The following CDH4 variants were observed in gnomAD, a reference collection of about 807,000 sequenced individuals.
The protein encoded by CDH4 is cadherin-4.
CDH4 carries 33 observed loss-of-function variants against 86.0 expected under a neutral mutation model. The observed-to-expected ratio is 0.38, with a 90% confidence interval of 0.29 to 0.51. CDH4 has a LOEUF of 0.51. Ranked by LOEUF, CDH4 falls within the 20% of genes least tolerant of loss-of-function variation. The probability of loss-of-function intolerance (pLI) is 0.86; values close to 1 mark genes in which losing one functional copy is unlikely to be tolerated. For synonymous variants in CDH4, 555 were observed against 549.4 expected, an observed-to-expected ratio of 1.01 and a Z score of -0.14; for missense variants, 1,114 against 1,307.4, an observed-to-expected ratio of 0.85 and a Z score of 2.28.
chr20:61,756,886 G>T (rs1020732691), intron 3 of CDH4, among the ~76,000 whole-genome samples: 2 of 152,202 alleles, frequency 1.3e-5, no homozygotes, highest in Non-Finnish European at 2.9e-5. Context: ...GCAACTAGAA[G>T]GTCCCGAGGT....
chr20:61,691,515 C>T (rs2087654907), intron 2 of CDH4, among the ~76,000 whole-genome samples: 1 of 152,074 alleles, frequency 6.6e-6, no homozygotes, highest in Non-Finnish European at 1.5e-5. Context: ...CATATATGTA[C>T]AGTCACACTT....
At position 61,810,491 on chromosome 20, in the gene CDH4, G is replaced by A. The variant is rs1182355734; in HGVS notation, c.577-34177G>A. ...TGACCCACTCTGCTCACCCGCAGTG[G>A]GAAGGAGCAAGGGAGCGTGTACGGG... On this transcript the variant is annotated intron_variant, in intron 4 of 15. Transcript: ENST00000614565. The surrounding 1 kb of genome is among the most constrained non-coding windows in gnomAD (Gnocchi z 4.3). Among the ~76,000 whole-genome samples, 2 of 152,136 alleles carry A rather than the reference G, an allele frequency of 1.3e-5. No individual in the cohort carries two copies. The highest frequency in any genetic ancestry group is 2.9e-5 in the Non-Finnish European group (2 of 68,020).
chr20:61,594,252 A>G, intron 2 of CDH4, among the ~76,000 whole-genome samples: 1 of 39,982 alleles, frequency 2.5e-5, no homozygotes, highest in African/African-American at 1.1e-4. Context: ...GCAGGGGAAG[A>G]GGGTGGGGGG....
chr20:61,464,744 A>G (rs2085463542), intron 2 of CDH4, among the ~76,000 whole-genome samples: 1 of 152,198 alleles, frequency 6.6e-6, no homozygotes, highest in African/African-American at 2.4e-5. Flanking sequence ...ACACACTAGC[A>G]GAGCCCAGGT....
chr20:61,936,531 T>A (rs1695882400), intron 15 of CDH4, among the ~76,000 whole-genome samples: 1 of 143,124 alleles, frequency 7.0e-6, no homozygotes, highest in African/African-American at 2.6e-5. Context: ...GTTTGCCCCT[T>A]CAACACTCCC....
rs139763607 is a variant in CDH4, at chr20:61,584,190, C to G, written c.170-159373C>G. Among the ~76,000 whole-genome samples, 3 of 152,246 alleles carry G rather than the reference C, an allele frequency of 2.0e-5. No homozygotes were observed. In the East Asian group the frequency reaches 5.8e-4, roughly 29 times the overall value. Reference sequence around the variant, plus strand: ...TATATGTGCGTCAGTAGAGAGGTTCCCTGCTAAACTCCTTCTAGTGGCTTT... The same window carrying G: ...TATATGTGCGTCAGTAGAGAGGTTCGCTGCTAAACTCCTTCTAGTGGCTTT... On this transcript the variant is annotated intron_variant, in intron 2 of 15. Coordinates refer to ENST00000614565, the MANE Select transcript of CDH4 (RefSeq NM_001794.5).
intron 2 of CDH4, among the ~76,000 whole-genome samples, chr20:61,712,522 C>T (rs1019689180): frequency 5.3e-5 from 8 of 152,142 alleles, no homozygotes; most frequent in African/African-American, 1.9e-4. Context: ...CAGCCCTGCC[C>T]AGCTCCTCCT....
chr20:61,331,357 C>T (rs1388348382), intron 2 of CDH4, among the ~76,000 whole-genome samples: 1 of 152,048 alleles, frequency 6.6e-6, no homozygotes, highest in Non-Finnish European at 1.5e-5. Flanking sequence ...TGTCACTGCC[C>T]TGTTCATGCT....
rs1190891365 is a variant in CDH4, at chr20:61,784,616, T to C, written c.576+11434T>C. Among the ~76,000 whole-genome samples the C allele has an allele frequency of 2.5e-3, 172 of 69,308 alleles. 23 individuals are homozygous for C. The highest frequency in any genetic ancestry group is 0.011 in the African/African-American group (162 of 14,400). The allele number at this position is 69,308 out of a possible 152,430, so 45.5% of individuals were successfully genotyped here. A position where few individuals can be genotyped will look rare whatever the true frequency, so the allele number is the denominator to read the frequency against. On this transcript the variant is annotated intron_variant, in intron 4 of 15. Coordinates refer to ENST00000614565, the MANE Select transcript of CDH4 (RefSeq NM_001794.5). ...GTTCTCCAGGCCCTCCGATATCCTGTGCCCCCAGGAGAATGTAAGCCCAGT... is the reference window on the plus strand; with the variant it reads ...GTTCTCCAGGCCCTCCGATATCCTGCGCCCCCAGGAGAATGTAAGCCCAGT...
At chr20:61,903,595 G>C (rs1263543393) in intron 8 of CDH4, among the ~76,000 whole-genome samples, 1 of 148,616 alleles carries the variant, frequency 6.7e-6, no homozygotes, top group Non-Finnish European at 1.5e-5. Context: ...GTGGATTTTG[G>C]TTTTTCCCAT....
chr20:61,705,796 G>A (rs1016894205), intron 2 of CDH4, among the ~76,000 whole-genome samples: 2 of 152,226 alleles, frequency 1.3e-5, no homozygotes, highest in African/African-American at 4.8e-5. Context: ...CAGAATCGCC[G>A]ACAGGCTCCA....
chr20:61,733,925 A>G (rs1035161189), intron 2 of CDH4, among the ~76,000 whole-genome samples: 2 of 152,230 alleles, frequency 1.3e-5, no homozygotes, highest in African/African-American at 4.8e-5. Context: ...CGTCTTGGGG[A>G]GACACAGCCT....
At chr20:61,382,657 G>A (rs1051065705) in intron 2 of CDH4, among the ~76,000 whole-genome samples, 1 of 152,190 alleles carries the variant, frequency 6.6e-6, no homozygotes, top group Non-Finnish European at 1.5e-5. Flanking sequence ...TGAAGCTTCC[G>A]GGGAGGCCCC....
chr20:61,853,832 G>A (rs1982857657), intron 6 of CDH4, among the ~76,000 whole-genome samples: 1 of 152,174 alleles, frequency 6.6e-6, no homozygotes, highest in South Asian at 2.1e-4. Flanking sequence ...CATGGGGGGT[G>A]GAGAGGGGTC....
At position 61,565,337 on chromosome 20, in the gene CDH4, GTAGTGGTCCTCTTGGTGATGGGGTGA is replaced by G. The variant is rs1346056211; in HGVS notation, c.170-178224_170-178199del. On this transcript the variant is annotated intron_variant, in intron 2 of 15. Transcript: ENST00000614565. ...GGTGGCGGTGCTCTTGGTGATGGTG[GTAGTGGTCCTCTTGGTGATGGGGTGA>G]TGGTGGTGGTGGTCCTCTTGGTGAT... Among the ~76,000 whole-genome samples, 138 of 20,756 alleles carry G rather than the reference GTAGTGGTCCTCTTGGTGATGGGGTGA, an allele frequency of 6.6e-3. 10 individuals carry two copies. Among genetic ancestry groups the G allele is most frequent in the African/African-American group, 0.016 (108 of 6,700 alleles). 13.6% of individuals were successfully genotyped at this position (20,756 alleles called of 152,430 possible).
chr20:61,839,676 CTG>C (rs528970896), intron 4 of CDH4, among the ~76,000 whole-genome samples: 330 of 149,612 alleles, frequency 2.2e-3, no homozygotes, highest in Non-Finnish European at 3.9e-3. Context: ...TGTATGGTGT[CTG>C]TGTGTATTGT....
rs2055228621 is a variant in CDH4 at position 61,938,838 on chromosome 20, C to A, written c.*1895C>A. The A allele has an allele frequency of 6.6e-6, 1 of 152,380 alleles. No individual in the cohort carries two copies. The highest frequency in any genetic ancestry group is 1.5e-5 in the Non-Finnish European group (1 of 68,138). The allele number at this position is 152,380 out of a possible 1,614,324, so 9.4% of individuals were successfully genotyped here. ...AAACTCACAGCTGCCCCTGTGCAGC[C>A]TTCAGAGTTGAGCTGGGGTCTCAGT... On this transcript the variant is annotated 3_prime_UTR_variant, in exon 16 of 16. Coordinates refer to ENST00000614565, the MANE Select transcript of CDH4 (RefSeq NM_001794.5).
chr20:61,747,942 T>TAA (rs11302959), intron 3 of CDH4, among the ~76,000 whole-genome samples: 1 of 149,428 alleles, frequency 6.7e-6, no homozygotes, highest in Non-Finnish European at 1.5e-5. Flanking sequence ...GAGAAATATT[T>TAA]AAAAAAAAAA....
intron 2 of CDH4, among the ~76,000 whole-genome samples, chr20:61,677,625 T>C (rs1471022551): frequency 7.9e-6 from 1 of 125,836 alleles, no homozygotes; most frequent in Admixed American, 9.7e-5. Context: ...GTGGGATGCA[T>C]TCTAATGACA....
Sources: gnomAD v4.1 joint callset for allele counts (sites outside exome capture counted in the v4.1 genomes callset) on GRCh38, gnomAD v4.1.1 for gene constraint, Gnocchi (gnomAD v3.1) non-coding constraint, MANE v1.5 for transcripts, NCBI Gene and HGNC (gene_info 2026-07-23, HGNC 2026-07-21) for gene names.